Variants in GABRG3 observed in about 807,000 individuals in gnomAD.
GABRG3 encodes gamma-aminobutyric acid receptor subunit gamma-3.
A neutral mutation model predicts 48.8 loss-of-function variants in GABRG3; 25 were observed. The ratio of observed to expected loss-of-function variants is 0.51; its 90% CI spans 0.37 to 0.72. The LOEUF is 0.72. GABRG3 is among the 30% of genes least tolerant of loss of function. The probability of loss-of-function intolerance (pLI) is 0.00; values close to 1 mark genes in which losing one functional copy is unlikely to be tolerated. For synonymous variants in GABRG3, 227 were observed against 217.6 expected (o/e 1.04, Z -0.38); for missense variants, 394 against 577.9 (o/e 0.68, Z 3.26).
At chr15:27,216,465 A>G (rs1380231076) in intron 3 of GABRG3, among the ~76,000 whole-genome samples, 1 of 152,242 alleles carries the variant, frequency 6.6e-6, no homozygotes, top group African/African-American at 2.4e-5. Context: ...TCTGCAAGGC[A>G]GGACCGTTGC....
At chr15:27,415,822 G>A (rs1411628523) in intron 5 of GABRG3, among the ~76,000 whole-genome samples, 1 of 152,072 alleles carries the variant, frequency 6.6e-6, no homozygotes, top group South Asian at 2.1e-4. Context: ...GCAAGAAAGA[G>A]CCTTTCCTTT....
At chr15:26,971,688 TG>T in intron 1 of GABRG3, 100 bp downstream of exon 1, 1 of 1,331,320 alleles carries the variant, frequency 7.5e-7, no homozygotes, top group Non-Finnish European at 9.7e-7. Flanking sequence ...AGCCGTCGGC[TG>T]GGCTGCGGCA....
intron 3 of GABRG3, among the ~76,000 whole-genome samples, chr15:27,045,568 A>G (rs1183181504): frequency 6.6e-6 from 1 of 152,222 alleles, no homozygotes; most frequent in Non-Finnish European, 1.5e-5. Flanking sequence ...GCTAGAGCAC[A>G]AAACCGTAAA....
intron 3 of GABRG3, among the ~76,000 whole-genome samples, chr15:27,250,190 C>G (rs147531319): frequency 6.6e-6 from 1 of 152,148 alleles, no homozygotes; most frequent in Non-Finnish European, 1.5e-5. Context: ...CTCCCCTCAC[C>G]GAAACCCCTA....
intron 3 of GABRG3, among the ~76,000 whole-genome samples, chr15:27,123,431 C>T (rs185664978): frequency 4.7e-4 from 72 of 152,342 alleles, no homozygotes; most frequent in South Asian, 4.1e-3. Flanking sequence ...AACTCACTCA[C>T]TCCTTCCAGC....
chr15:27,187,715 T>G (rs1888142742), intron 3 of GABRG3, among the ~76,000 whole-genome samples: 1 of 152,108 alleles, frequency 6.6e-6, no homozygotes, highest in Non-Finnish European at 1.5e-5. Flanking sequence ...GCTTCAATGT[T>G]AATTTTTTTT....
chr15:27,328,803 C>T lies in GABRG3; in HGVS notation c.492-3C>T. Reference sequence around the variant, plus strand: ...GCTAGACTGACACTTGGCTTTTTCGCAGGCTCACCATCAATGCTGAGTGCC... The same window carrying T: ...GCTAGACTGACACTTGGCTTTTTCGTAGGCTCACCATCAATGCTGAGTGCC... On this transcript the variant is annotated splice_polypyrimidine_tract_variant and splice_region_variant and intron_variant, in intron 4 of 9. Transcript: ENST00000615808. 6.2e-7 allele frequency: 1 copy of T among 1,613,754 alleles called. No homozygotes were observed. Among genetic ancestry groups the T allele is most frequent in the Non-Finnish European group, 8.5e-7 (1 of 1,179,646 alleles).
chr15:27,161,153 G>A (rs758442887), intron 3 of GABRG3: 2 of 152,060 alleles, frequency 1.3e-5, no homozygotes, highest in African/African-American at 2.4e-5. Context: ...TTAGAGATAC[G>A]TGGAACCTCC....
chr15:26,994,651 C>G (rs1276434045), intron 2 of GABRG3, among the ~76,000 whole-genome samples: 1 of 151,946 alleles, frequency 6.6e-6, no homozygotes, highest in Non-Finnish European at 1.5e-5. Flanking sequence ...TTATACTATT[C>G]TGTGTTTTTC....
intron 5 of GABRG3, among the ~76,000 whole-genome samples, chr15:27,459,019 T>C (rs1163498611): frequency 5.9e-5 from 9 of 152,182 alleles, no homozygotes; most frequent in Non-Finnish European, 1.3e-4. Flanking sequence ...TTAAGTCTTC[T>C]CTTCGATTCT....
intron 5 of GABRG3, among the ~76,000 whole-genome samples, chr15:27,459,503 A>G (rs1160676632): frequency 6.6e-6 from 1 of 152,232 alleles, no homozygotes. Context: ...TAAGAGGCAG[A>G]TCTCATGTGC....
chr15:27,287,537 A>G (rs1891654371), intron 3 of GABRG3, among the ~76,000 whole-genome samples: 1 of 152,146 alleles, frequency 6.6e-6, no homozygotes, highest in Admixed American at 6.5e-5. Context: ...GCATAATGTG[A>G]TATACTTCTA....
intron 3 of GABRG3, among the ~76,000 whole-genome samples, chr15:27,186,715 A>G (rs1244097789): frequency 6.6e-6 from 1 of 152,116 alleles, no homozygotes; most frequent in African/African-American, 2.4e-5. Flanking sequence ...GTTCTGAGAT[A>G]GTATCTCATT....
At chr15:27,238,082 TG>T (rs760125964) in intron 3 of GABRG3, among the ~76,000 whole-genome samples, 3 of 152,186 alleles carry the variant, frequency 2.0e-5, no homozygotes, top group Non-Finnish European at 2.9e-5. Flanking sequence ...ATACTGGACC[TG>T]GTGTGATGGG....
chr15:27,432,359 C>T (rs1449145062), intron 5 of GABRG3, among the ~76,000 whole-genome samples: 3 of 152,144 alleles, frequency 2.0e-5, no homozygotes, highest in Non-Finnish European at 4.4e-5. Context: ...AGTTGCCTTT[C>T]AAGTTAGACA....
chr15:27,478,048 CAAA>C (rs71132811), intron 5 of GABRG3, among the ~76,000 whole-genome samples: 6 of 91,946 alleles, frequency 6.5e-5, no homozygotes, highest in Admixed American at 2.5e-4. Context: ...CTCCATGTCA[CAAA>C]AAAAAAAAAA....
At chr15:27,100,554 A>G (rs1897338156) in intron 3 of GABRG3, among the ~76,000 whole-genome samples, 1 of 152,180 alleles carries the variant, frequency 6.6e-6, no homozygotes. Context: ...AGTTTCTTTC[A>G]TGAACTTGCA....
chr15:27,262,257 G>T (rs1433484260), intron 3 of GABRG3, among the ~76,000 whole-genome samples: 2 of 152,206 alleles, frequency 1.3e-5, no homozygotes, highest in Admixed American at 6.5e-5. Context: ...CTGTTTTGAG[G>T]TCTAAGCTGG....
Position 27,200,792 on chromosome 15 carries a change from G to A in GABRG3, c.271-126017G>A, listed in dbSNP as rs537756525. 4.7e-4 allele frequency among the ~76,000 whole-genome samples: 72 copies of A among 152,216 alleles called. No homozygotes were observed. The South Asian group carries it at 0.012, about 25-fold the overall frequency. On this transcript the variant is annotated intron_variant, in intron 3 of 9. Transcript: ENST00000615808. ...CAAAAGCTGGCCTCGGGGTGGACTC[G>A]AGCCCAGGTGTGCTACCCGTGGGTT...
Sources: allele counts gnomAD v4.1 joint callset (sites outside exome capture counted in the v4.1 genomes callset), GRCh38; gene constraint gnomAD v4.1.1; transcripts MANE v1.5; gene names NCBI Gene and HGNC (gene_info 2026-07-23, HGNC 2026-07-21).